EHBP1: variants seen among roughly 807,000 people sequenced by gnomAD.
EHBP1 encodes EH domain-binding protein 1.
EHBP1 carries 55 observed loss-of-function variants against 144.0 expected under a neutral mutation model. The ratio of observed to expected loss-of-function variants is 0.38; its 90% confidence interval spans 0.31 to 0.48. The LOEUF is 0.48. EHBP1 is among the 20% of genes least tolerant of loss of function. The pLI, the probability that EHBP1 is intolerant of heterozygous loss-of-function variation, is 0.98. For synonymous variants in EHBP1, 469 were observed against 472.7 expected (o/e 0.99, Z 0.10); for missense variants, 1,200 against 1,364.2 (o/e 0.88, Z 1.90).
chr2:63,004,693 C>G (rs2059969477), intron 19 of EHBP1, among the ~76,000 whole-genome samples: 1 of 152,044 alleles, frequency 6.6e-6, no homozygotes, highest in Non-Finnish European at 1.5e-5. Flanking sequence ...GTAATTTTAG[C>G]ATACAGCTCC....
chr2:62,725,898 C>T (rs1047011652), intron 2 of EHBP1, among the ~76,000 whole-genome samples: 1 of 152,024 alleles, frequency 6.6e-6, no homozygotes, highest in African/African-American at 2.4e-5. Context: ...TGGAGCTCTC[C>T]ACCAGTCAAG....
chr2:62,982,928 T>G (rs1432395933), intron 15 of EHBP1, among the ~76,000 whole-genome samples: 1 of 152,180 alleles, frequency 6.6e-6, no homozygotes, highest in Non-Finnish European at 1.5e-5. Flanking sequence ...CACCTGTAAC[T>G]GTATATTCAG....
chr2:62,799,147 T>C (rs1254881933), intron 5 of EHBP1, among the ~76,000 whole-genome samples: 2 of 152,206 alleles, frequency 1.3e-5, no homozygotes, highest in Non-Finnish European at 2.9e-5. Context: ...GTTGGTAGTT[T>C]ATACAACTTT....
At chr2:62,963,322 T>A (rs1199110244) in intron 14 of EHBP1, among the ~76,000 whole-genome samples, 2 of 152,210 alleles carry the variant, frequency 1.3e-5, no homozygotes, top group South Asian at 2.1e-4. Flanking sequence ...ATGGCACTAG[T>A]CTGTCATGCC....
intron 19 of EHBP1, among the ~76,000 whole-genome samples, chr2:63,021,956 C>T (rs187050726): frequency 3.2e-4 from 48 of 152,048 alleles, no homozygotes; most frequent in African/African-American, 1.1e-3. Flanking sequence ...TTAGTAGAGA[C>T]GGGGTTTCAC....
chr2:62,674,095 T>G (rs913596236), intron 1 of EHBP1: 1 of 471,038 alleles, frequency 2.1e-6, no homozygotes, highest in Non-Finnish European at 4.4e-6. Flanking sequence ...TATGAACTGG[T>G]AGGCCACAAG....
intron 2 of EHBP1, among the ~76,000 whole-genome samples, chr2:62,746,270 G>GT (rs976973950): frequency 4.0e-5 from 6 of 151,562 alleles, no homozygotes; most frequent in African/African-American, 1.5e-4. Flanking sequence ...TGTTTTTTTT[G>GT]TTTTTCTTTT....
intron 19 of EHBP1, among the ~76,000 whole-genome samples, chr2:63,001,242 G>A (rs1006277927): frequency 2.6e-5 from 4 of 152,036 alleles, no homozygotes; most frequent in African/African-American, 7.2e-5. Flanking sequence ...ATTCCTGAGC[G>A]GAGAATAACA....
chr2:62,960,344 C>T (rs942217798), intron 14 of EHBP1, among the ~76,000 whole-genome samples: 12 of 152,110 alleles, frequency 7.9e-5, no homozygotes, highest in African/African-American at 2.4e-4. Context: ...CTCTTTCATT[C>T]TTGTGTCAAG....
intron 9 of EHBP1, among the ~76,000 whole-genome samples, chr2:62,868,526 G>C (rs1325109688): frequency 6.6e-6 from 1 of 152,142 alleles, no homozygotes; most frequent in Non-Finnish European, 1.5e-5. Context: ...ATATTAAAAC[G>C]TTTTTCTCTT....
intron 5 of EHBP1, among the ~76,000 whole-genome samples, chr2:62,778,829 A>G (rs1007482348): frequency 3.9e-5 from 6 of 151,974 alleles, no homozygotes. Context: ...TTTCTTTCAG[A>G]GAAAAAAAGT....
chr2:62,947,264 AAT>A (rs1460141254), intron 12 of EHBP1, among the ~76,000 whole-genome samples: 1 of 152,178 alleles, frequency 6.6e-6, no homozygotes, highest in African/African-American at 2.4e-5. Flanking sequence ...CTTGTTCCAT[AAT>A]GTTTGTTAAA....
chr2:62,968,315 G>C (rs1052228467), intron 14 of EHBP1, among the ~76,000 whole-genome samples: 1 of 152,008 alleles, frequency 6.6e-6, no homozygotes, highest in Non-Finnish European at 1.5e-5. Context: ...GGGTTCTTTG[G>C]GTGGCTTTAT....
intron 9 of EHBP1, among the ~76,000 whole-genome samples, chr2:62,865,317 T>C (rs1011621080): frequency 6.6e-6 from 1 of 152,232 alleles, no homozygotes; most frequent in East Asian, 1.9e-4. Context: ...TCAGTTATCT[T>C]ATAGGTCTGT....
At chr2:62,979,495 A>G (rs1356672569) in intron 15 of EHBP1, among the ~76,000 whole-genome samples, 160 bp downstream of exon 15, 2 of 152,238 alleles carry the variant, frequency 1.3e-5, no homozygotes, top group Non-Finnish European at 2.9e-5. Context: ...AGTAAATTAG[A>G]AGATAACTGT....
At chr2:63,001,783 G>A (rs2059861023) in intron 19 of EHBP1, among the ~76,000 whole-genome samples, 1 of 152,146 alleles carries the variant, frequency 6.6e-6, no homozygotes, top group Non-Finnish European at 1.5e-5. Context: ...TGGCTCTGGA[G>A]CCTGACTCCC....
chr2:62,909,548 G>C (rs2054047136), intron 10 of EHBP1, among the ~76,000 whole-genome samples: 2 of 152,150 alleles, frequency 1.3e-5, no homozygotes, highest in Non-Finnish European at 2.9e-5. Flanking sequence ...AAAGTGAGCA[G>C]AAGTTTTACA....
intron 19 of EHBP1, among the ~76,000 whole-genome samples, chr2:63,027,357 C>G (rs1245647381): frequency 6.6e-6 from 1 of 152,164 alleles, no homozygotes; most frequent in Non-Finnish European, 1.5e-5. Context: ...TGAGTGTACT[C>G]TAGTGAAGAT....
chr2:62,825,491 T>C (rs560774435), intron 5 of EHBP1, among the ~76,000 whole-genome samples: 1 of 152,052 alleles, frequency 6.6e-6, no homozygotes, highest in Admixed American at 6.6e-5. Context: ...GCCAACTGTT[T>C]CTTTTATGAT....
Sources: allele counts gnomAD v4.1 joint callset (sites outside exome capture counted in the v4.1 genomes callset), GRCh38; gene constraint gnomAD v4.1.1; transcripts MANE v1.5; gene names NCBI Gene and HGNC (gene_info 2026-07-23, HGNC 2026-07-21).